The following UBR4 variants were observed in gnomAD, a reference collection of about 807,000 sequenced individuals.
UBR4 encodes the protein ubiquitin protein ligase E3 component n-recognin 4.
UBR4 carries 124 observed loss-of-function variants against 575.6 expected under a neutral mutation model. The observed-to-expected ratio is 0.22, with a 90% confidence interval of 0.19 to 0.25. UBR4 has a LOEUF of 0.25. Among genes scored for constraint, UBR4 ranks in the 10% least tolerant of loss-of-function variants. The pLI, the probability that UBR4 is intolerant of heterozygous loss-of-function variation, is 1.00. For missense variants in UBR4, 4,818 were observed against 6,478.8 expected (o/e 0.74, Z 8.80); for synonymous variants, 2,455 against 2,473.7 (o/e 0.99, Z 0.22).
At chr1:19,179,969 C>T (rs2090711122) in intron 17 of UBR4, among the ~76,000 whole-genome samples, 3 of 152,214 alleles carry the variant, frequency 2.0e-5, no homozygotes, top group Non-Finnish European at 4.4e-5. Flanking sequence ...AAGGACTCTT[C>T]CCTGGAAATG....
At chr1:19,087,152 A>T (rs1438463921) in intron 99 of UBR4, among the ~76,000 whole-genome samples, 2 of 152,238 alleles carry the variant, frequency 1.3e-5, no homozygotes, top group African/African-American at 2.4e-5. Flanking sequence ...TGACTTCTTG[A>T]TATTCCCTTG....
Position 19,088,011 on chromosome 1 carries a change from G to A in UBR4, c.14431-82C>T. 1 of 1,092,942 alleles carries A rather than the reference G, an allele frequency of 9.1e-7. No homozygotes were observed. Among genetic ancestry groups the A allele is most frequent in the Non-Finnish European group, 1.4e-6 (1 of 733,500 alleles). 67.7% of individuals were successfully genotyped at this position (1,092,942 alleles called of 1,614,324 possible). ...TAGCTTGGAGATGCTCAGGAACAGG[G>A]CTAACCTTCTACCTCCACTAAAAGG... On this transcript the variant is annotated intron_variant, in intron 98 of 105. Transcript: ENST00000375254. The surrounding 1 kb of genome is among the most constrained non-coding windows in gnomAD (Gnocchi z 4.0).
Position 19,185,158 on chromosome 1 carries a change from T to G in UBR4, c.1879A>C (p.Ser627Arg). Reference sequence around the variant, plus strand: ...CCCTTCTCACCAGGGGCCTGCTTACTGGGGCTTTTAACCCGAGGAGAGCTT... The same window carrying G: ...CCCTTCTCACCAGGGGCCTGCTTACGGGGGCTTTTAACCCGAGGAGAGCTT... The part of the protein sequence containing the change: ...LESSPRVKSP[S>R]KQAPGEKGNI... Residue 627 changes from serine to arginine, a missense_variant, in exon 15 of 106, where the codon AGT becomes CGT. Physicochemically the swap from Ser to Arg is moderately radical, Grantham distance 110 (BLOSUM62 -1). Around this residue, in one of 29 missense-constraint regions of UBR4, gnomAD observed 1,172 missense variants for 1,259.7 expected, o/e 0.93. Coordinates refer to ENST00000375254, the MANE Select transcript of UBR4 (RefSeq NM_020765.3). The G allele has an allele frequency of 6.2e-7, 1 of 1,614,170 alleles. No individual in the cohort carries two copies.
chr1:19,139,167 G>T lies in UBR4; in HGVS notation c.8647C>A (p.Arg2883=). The T allele has an allele frequency of 6.2e-7, 1 of 1,614,000 alleles. No individual in the cohort carries two copies. The highest frequency in any genetic ancestry group is 8.5e-7 in the Non-Finnish European group (1 of 1,179,948). The change falls in exon 59 of 106, where the codon CGG becomes AGG. Residue 2883 remains arginine (R), a synonymous_variant. Coordinates refer to ENST00000375254, the MANE Select transcript of UBR4 (RefSeq NM_020765.3). This position sits in a 1 kb window ranked among gnomAD's most constrained non-coding sequence, Gnocchi z 4.2. ...CCACCGTGGTCAGCAGGAGAGGTCCGAAGGGTAGAACCATCTGTCGCTGCT... is the reference window on the plus strand; with the variant it reads ...CCACCGTGGTCAGCAGGAGAGGTCCTAAGGGTAGAACCATCTGTCGCTGCT... ...STAATDGSTL[R]TSPADHGGSV... is the part of the protein sequence containing the mutation.
chr1:19,144,228 C>G, intron 54 of UBR4, 137 bp from the exon 55 acceptor site: 1 of 693,834 alleles, frequency 1.4e-6, no homozygotes, highest in Non-Finnish European at 2.4e-6. Flanking sequence ...CCCAGCGGAC[C>G]AAGTTCAGCA....
chr1:19,126,250 C>T (rs1330097777), intron 64 of UBR4, among the ~76,000 whole-genome samples, 196 bp downstream of exon 64: 1 of 152,128 alleles, frequency 6.6e-6, no homozygotes, highest in African/African-American at 2.4e-5. Context: ...TACAAAGAGG[C>T]AGGAATGAGA....
chr1:19,150,015 T>C (rs2085438344), intron 49 of UBR4, among the ~76,000 whole-genome samples: 1 of 152,100 alleles, frequency 6.6e-6, no homozygotes, highest in African/African-American at 2.4e-5. Context: ...TCATGAATTA[T>C]AATATTTCAT....
chr1:19,164,271 A>C lies in UBR4; in HGVS notation c.4682T>G (p.Val1561Gly). 1 of 1,613,688 alleles carries C rather than the reference A, an allele frequency of 6.2e-7. No individual in the cohort carries two copies. The highest frequency in any genetic ancestry group is 8.5e-7 in the Non-Finnish European group (1 of 1,179,642). ...ATCTTACCATCTGCTCAGCCAATCC[A>C]CAGCAGCATTATGAAGCTGAAGGTG... ...AGHLQLHNAAVDWLSRCKKYL... is the reference protein window; with the variant it reads ...AGHLQLHNAAGDWLSRCKKYL... The change falls in exon 33 of 106, where the codon GTG becomes GGG. Residue 1561 changes from valine (V) to glycine (G), a missense_variant. Physicochemically the swap from Val to Gly is moderately radical, Grantham distance 109. Transcript: ENST00000375254.
intron 1 of UBR4, among the ~76,000 whole-genome samples, chr1:19,207,054 G>A (rs1435363067): frequency 6.6e-6 from 1 of 152,236 alleles, no homozygotes; most frequent in Non-Finnish European, 1.5e-5. Flanking sequence ...ATCAAAAAAG[G>A]AAGCAGAGAG....
Position 19,210,087 on chromosome 1 carries a change from G to C in UBR4, c.162C>G (p.Ala54=). The C allele has an allele frequency of 6.4e-7, 1 of 1,571,978 alleles. No individual in the cohort carries two copies. The highest frequency in any genetic ancestry group is 8.6e-7 in the Non-Finnish European group (1 of 1,161,722). Residue 54 remains alanine (A), a synonymous_variant, in exon 1 of 106, where the codon GCC becomes GCG. Coordinates refer to ENST00000375254, the MANE Select transcript of UBR4 (RefSeq NM_020765.3). ...CCGCCCGGTACCTCTCGATGACTGA[G>C]GCCACCAGCTGCGGCAACTCCTTCA... is the stretch of plus-strand genomic sequence containing the variant. ...FEMKELPQLV[A]SVIESESEIL...
rs1448300712 is a variant in UBR4, at chr1:19,162,446, C to G, written c.4930G>C (p.Glu1644Gln). 6.2e-7 allele frequency: 1 copy of G among 1,613,832 alleles called. No individual in the cohort carries two copies. The highest frequency in any genetic ancestry group is 8.5e-7 in the Non-Finnish European group (1 of 1,179,952). ...SDWVEELAVE[E>Q]EDSQAEDSDE... ...GAATCCTCAGCCTGGGAATCTTCCT[C>G]TTCCACCGCCAACTCCTCCACCCAG... Residue 1644 changes from glutamate to glutamine, a missense_variant, in exon 35 of 106, where the codon GAG (glutamate) becomes CAG (glutamine). Physicochemically the swap from Glu to Gln is conservative, Grantham distance 29. This residue lies in a region of UBR4 where 18 missense variants were observed against 37.3 expected (regional missense o/e 0.48). Coordinates refer to ENST00000375254, the MANE Select transcript of UBR4 (RefSeq NM_020765.3).
At chr1:19,158,062 C>T in intron 39 of UBR4, 65 bp from the exon 40 acceptor site, 1 of 1,543,374 alleles carries the variant, frequency 6.5e-7, no homozygotes, top group South Asian at 1.2e-5. Context: ...TGGATTCACG[C>T]ACTATTCATG....
At chr1:19,127,467 G>T (rs1264937690) in intron 63 of UBR4, among the ~76,000 whole-genome samples, 156 bp downstream of exon 63, 2 of 152,144 alleles carry the variant, frequency 1.3e-5, no homozygotes, top group African/African-American at 4.8e-5. Flanking sequence ...AAAGGTGGAG[G>T]TTCTGCTCTT....
In UBR4 at chr1:19,174,407, T is replaced by C; in HGVS notation, c.2894A>G (p.Glu965Gly). 1.2e-6 allele frequency: 2 copies of C among 1,612,566 alleles called. No individual in the cohort carries two copies. The highest frequency in any genetic ancestry group is 4.5e-5 in the East Asian group (2 of 44,850). The change falls in exon 22 of 106, where the codon GAG becomes GGG. Residue 965 changes from glutamate (E) to glycine (G), a missense_variant. Glu to Gly is a moderately conservative substitution (Grantham distance 98). Around this residue, in one of 29 missense-constraint regions of UBR4, gnomAD observed 1,172 missense variants for 1,259.7 expected, o/e 0.93. Transcript: ENST00000375254. ...VLFSKLVKYDELYAALTALLA... is the reference protein window; with the variant it reads ...VLFSKLVKYDGLYAALTALLA... ...CAGGGCTGTCAGTGCAGCATAAAGC[T>C]CATCATACTTGACAAGCTTGGAGAA... is the stretch of plus-strand genomic sequence containing the variant.
At chr1:19,197,068 G>A (rs1247710795) in intron 8 of UBR4, 73 bp downstream of exon 8, 1 of 1,550,836 alleles carries the variant, frequency 6.4e-7, no homozygotes, top group Non-Finnish European at 8.8e-7. Flanking sequence ...GTATTCAGGA[G>A]GATTTTCATG....
Position 19,197,657 on chromosome 1 carries a change from T to C in UBR4, c.893+13A>G. 2 of 1,613,666 alleles carry C rather than the reference T, an allele frequency of 1.2e-6. No homozygotes were observed. Among genetic ancestry groups the C allele is most frequent in the Non-Finnish European group, 8.5e-7 (1 of 1,179,914 alleles). ...CAAAAAAAGTAAAGCATGTGCACTG[T>C]GAAGCACCTTACCCATTACGAACAG... On this transcript the variant is annotated intron_variant, in intron 7 of 105. Coordinates refer to ENST00000375254, the MANE Select transcript of UBR4 (RefSeq NM_020765.3).
chr1:19,076,673 G>A, intron 105 of UBR4, 67 bp downstream of exon 105: 1 of 1,603,448 alleles, frequency 6.2e-7, no homozygotes, highest in South Asian at 1.1e-5. Context: ...AGCTACGGAT[G>A]ACCCACGGAG....
chr1:19,202,561 C>T (rs569683708), intron 1 of UBR4, among the ~76,000 whole-genome samples: 28 of 152,044 alleles, frequency 1.8e-4, no homozygotes, highest in Non-Finnish European at 3.4e-4. Flanking sequence ...GTGCTAAAGT[C>T]CAAAATTCAC....
At chr1:19,076,013 G>A (rs776644919) in intron 105 of UBR4, among the ~76,000 whole-genome samples, 28 of 152,214 alleles carry the variant, frequency 1.8e-4, no homozygotes, top group Admixed American at 5.9e-4. Flanking sequence ...CTGTAATGCC[G>A]CGGCGCCCAC....
Sources: gnomAD v4.1 joint callset for allele counts (sites outside exome capture counted in the v4.1 genomes callset) on GRCh38, gnomAD v4.1.1 for gene constraint, gnomAD v4.1.1 regional missense constraint, Gnocchi (gnomAD v3.1) non-coding constraint, MANE v1.5 for transcripts, NCBI Gene and HGNC (gene_info 2026-07-23, HGNC 2026-07-21) for gene names.